FBN3: variants seen among roughly 807,000 people sequenced by gnomAD.
The protein encoded by FBN3 is fibrillin-3.
FBN3 carries 234 observed loss-of-function variants against 330.1 expected under a neutral mutation model. The ratio of observed to expected loss-of-function variants is 0.71; its 90% confidence interval spans 0.64 to 0.79. The LOEUF (loss-of-function observed/expected upper bound fraction) is 0.79, where lower values mean the gene tolerates loss of function less well. Among genes scored for constraint, FBN3 ranks in the 30% least tolerant of loss-of-function variants. FBN3 has a pLI of 0.00. For missense variants in FBN3, 3,606 were observed against 3,886.9 expected (o/e 0.93, Z 1.92); for synonymous variants, 1,458 against 1,517.3 (o/e 0.96, Z 0.91).
intron 41 of FBN3, among the ~76,000 whole-genome samples, chr19:8,098,812 G>A (rs2082266579): frequency 1.3e-5 from 2 of 151,932 alleles, no homozygotes; most frequent in Non-Finnish European, 2.9e-5. Context: ...CCATCCAAAG[G>A]GGACTGGAAA....
intron 48 of FBN3, 46 bp downstream of exon 48, chr19:8,091,419 C>G: frequency 1.2e-6 from 2 of 1,605,636 alleles, no homozygotes; most frequent in Non-Finnish European, 1.7e-6. Context: ...CTGACCCTTC[C>G]CCGCCCCACT....
rs189541723 is a variant in FBN3 at position 8,132,373 on chromosome 19, G to A, written c.1715-544C>T. On this transcript the variant is annotated intron_variant, in intron 14 of 63. Coordinates refer to ENST00000600128, the MANE Select transcript of FBN3 (RefSeq NM_032447.5). ...AATTTTTTTTTTAGGTAGAAATGGC[G>A]TCTGACTATGTTGCTCAGGCTGGTC... Among the ~76,000 whole-genome samples, 276 of 151,726 alleles carry A rather than the reference G, an allele frequency of 1.8e-3. 1 individual carries two copies. The highest frequency in any genetic ancestry group is 0.01 in the Middle Eastern group (3 of 292).
chr19:8,078,822 C>G (rs2081705969), intron 59 of FBN3, among the ~76,000 whole-genome samples: 1 of 150,954 alleles, frequency 6.6e-6, no homozygotes, highest in Non-Finnish European at 1.5e-5. Context: ...TGCTCTGTCC[C>G]CTAGGCTGGA....
At position 8,072,207 on chromosome 19, in the gene FBN3, G is replaced by C; in HGVS notation, c.7938-9C>G. The stretch of plus-strand genomic sequence containing the variant: ...GGCCGGAGACACAGTGCCTGGGCCA[G>C]GATGGGCAGGGTGGAGGGGTTTCAG... On this transcript the variant is annotated splice_polypyrimidine_tract_variant and intron_variant, in intron 62 of 63. Transcript: ENST00000600128. 6.6e-7 allele frequency: 1 copy of C among 1,519,692 alleles called. No homozygotes were observed. Among genetic ancestry groups the C allele is most frequent in the East Asian group, 2.5e-5 (1 of 40,798 alleles). 94.1% of individuals were successfully genotyped at this position (1,519,692 alleles called of 1,614,324 possible).
At position 8,123,806 on chromosome 19, in the gene FBN3, C is replaced by T. The variant is rs1198808854; in HGVS notation, c.2934G>A (p.Leu978=). The part of the protein sequence containing the change: ...RGLGFASRDF[L]SGRPFYKDVN... ...CACCTTTATAGAATGGTCGGCCAGA[C>T]AGGAAGTCCCGGCTGGCGAAGCCCA... Residue 978 remains leucine (L), a synonymous_variant, in exon 23 of 64, where the codon CTG becomes CTA. Coordinates refer to ENST00000600128, the MANE Select transcript of FBN3 (RefSeq NM_032447.5). 2 of 1,613,444 alleles carry T rather than the reference C, an allele frequency of 1.2e-6. No homozygotes were observed. Among genetic ancestry groups the T allele is most frequent in the South Asian group, 1.1e-5 (1 of 91,054 alleles).
chr19:8,144,960 C>T lies in FBN3; in HGVS notation c.458G>A (p.Arg153His), dbSNP rs774484397. The T allele has an allele frequency of 2.2e-5, 35 of 1,610,180 alleles. No homozygotes were observed. The East Asian group carries it at 4.7e-4, about 22-fold the overall frequency. ...GCAGCGACCCCCATTGTGGCAGCCG[C>T]GGTCACAGATGGCTGTGGAGGAGAG... is the stretch of plus-strand genomic sequence containing the variant. ...GTVCGQPICD[R>H]GCHNGGRCIG... Residue 153 changes from arginine to histidine, a missense_variant, in exon 6 of 64, where the codon CGC becomes CAC. By Grantham distance (29) the Arg-to-His change is conservative. Transcript: ENST00000600128.
intron 41 of FBN3, among the ~76,000 whole-genome samples, chr19:8,098,969 G>C (rs955893967): frequency 6.6e-6 from 1 of 152,136 alleles, no homozygotes; most frequent in African/African-American, 2.4e-5. Context: ...TCTGCACCAT[G>C]AAACACTTTT....
intron 18 of FBN3, 138 bp downstream of exon 18, chr19:8,128,890 A>G (rs1322561025): frequency 9.8e-7 from 1 of 1,020,762 alleles, no homozygotes; most frequent in Non-Finnish European, 1.4e-6. Flanking sequence ...TGCACACTAC[A>G]TATAGCATGC....
At chr19:8,102,924 T>C in intron 39 of FBN3, 51 bp from the exon 40 acceptor site, 1 of 1,585,488 alleles carries the variant, frequency 6.3e-7, no homozygotes, top group Non-Finnish European at 8.7e-7. Flanking sequence ...CCTAAATCAG[T>C]GGAAGAGGGA....
At chr19:8,108,841 C>G (rs946643266) in intron 36 of FBN3, among the ~76,000 whole-genome samples, 1 of 152,140 alleles carries the variant, frequency 6.6e-6, no homozygotes, top group South Asian at 2.1e-4. Context: ...CAAAGAAAAC[C>G]CTTAGGACAG....
intron 41 of FBN3, 47 bp downstream of exon 41, chr19:8,100,854 C>G (rs1345004278): frequency 6.5e-7 from 1 of 1,527,004 alleles, no homozygotes; most frequent in Non-Finnish European, 9.1e-7. Context: ...AGGAAGCAGA[C>G]CCAGGTGGAT....
intron 47 of FBN3, among the ~76,000 whole-genome samples, chr19:8,094,122 C>A (rs185042946): frequency 5.3e-5 from 8 of 152,270 alleles, no homozygotes; most frequent in Admixed American, 1.3e-4. Context: ...GTGATTACAC[C>A]GGTGAAGCTT....
intron 22 of FBN3, among the ~76,000 whole-genome samples, chr19:8,125,003 A>C (rs1310181557): frequency 6.6e-6 from 1 of 152,226 alleles, no homozygotes; most frequent in Non-Finnish European, 1.5e-5. Flanking sequence ...AGTTTCATCC[A>C]TCGTAACAAA....
At position 8,125,174 on chromosome 19, in the gene FBN3, C is replaced by T. The variant is rs557593207; in HGVS notation, c.2731+718G>A. Among the ~76,000 whole-genome samples, 11 of 152,142 alleles carry T rather than the reference C, an allele frequency of 7.2e-5. No homozygotes were observed. The South Asian group carries it at 2.3e-3, about 32-fold the overall frequency. On this transcript the variant is annotated intron_variant, in intron 22 of 63. Transcript: ENST00000600128. ...TCCGGGATGCTGAGGTAGGGGGATC[C>T]CTTGAGGCCAGGAGTTTGAGACCAG...
chr19:8,082,310 T>TC (rs2081810540), intron 57 of FBN3, among the ~76,000 whole-genome samples: 2 of 139,514 alleles, frequency 1.4e-5, no homozygotes, highest in Non-Finnish European at 1.6e-5. Context: ...TCTTTCTCCC[T>TC]TTCTCTTTCT....
chr19:8,076,528 A>G (rs1288542777), intron 59 of FBN3, among the ~76,000 whole-genome samples: 1 of 151,994 alleles, frequency 6.6e-6, no homozygotes, highest in Middle Eastern at 3.2e-3. Context: ...AGTCCCAGCT[A>G]CTCGGGAGGC....
chr19:8,131,122 GGGCAC>G lies in FBN3; in HGVS notation c.2044+108_2044+112del, dbSNP rs1241350701. 1 of 931,876 alleles carries G rather than the reference GGGCAC, an allele frequency of 1.1e-6. No homozygotes were observed. The highest frequency in any genetic ancestry group is 1.6e-6 in the Non-Finnish European group (1 of 610,320). The allele number at this position is 931,876 out of a possible 1,614,324, so 57.7% of individuals were successfully genotyped here. A position where few individuals can be genotyped will look rare whatever the true frequency, so the allele number is the denominator to read the frequency against. On this transcript the variant is annotated intron_variant, in intron 16 of 63. Transcript: ENST00000600128. The surrounding 1 kb of genome is among the most constrained non-coding windows in gnomAD (Gnocchi z 4.5). The stretch of plus-strand genomic sequence containing the variant: ...TCTGTTGTTGAAGCCGTCTGGTCTG[GGGCAC>G]TTTGTTACGGGAACCCCGGGCCAAC...
In FBN3 at chr19:8,089,579, G is replaced by T; in HGVS notation, c.6342C>A (p.Gly2114=). The change falls in exon 51 of 64, where the codon GGC becomes GGA. Residue 2114 remains glycine (G), a synonymous_variant. Transcript: ENST00000600128. ...TGATGCCAGTGAAGTCCAGGCTGTA[G>T]CCAAAGGGACACTCACAGCGGAAGG... is the stretch of plus-strand genomic sequence containing the variant. ...DGSFRCECPF[G]YSLDFTGINC... The T allele has an allele frequency of 2.5e-6, 4 of 1,614,212 alleles. No individual in the cohort carries two copies. Among genetic ancestry groups the T allele is most frequent in the Non-Finnish European group, 2.5e-6 (3 of 1,180,020 alleles).
At chr19:8,106,275 T>C (rs200800354) in intron 37 of FBN3, 42 bp from the exon 38 acceptor site, 240 of 1,612,230 alleles carry the variant, frequency 1.5e-4, no homozygotes, top group Middle Eastern at 9.9e-4. Context: ...GCTAAACCCA[T>C]GCAGAGGACT....
Sources: gnomAD v4.1 joint callset for allele counts (sites outside exome capture counted in the v4.1 genomes callset) on GRCh38, gnomAD v4.1.1 for gene constraint, Gnocchi (gnomAD v3.1) non-coding constraint, MANE v1.5 for transcripts, NCBI Gene and HGNC (gene_info 2026-07-23, HGNC 2026-07-21) for gene names.